Variants in NRIP1 observed in about 807,000 individuals in gnomAD.
NRIP1 encodes the protein nuclear receptor interacting protein 1.
A neutral mutation model predicts 75.0 loss-of-function variants in NRIP1; 28 were observed. That is an observed-to-expected ratio of 0.37 (90% CI 0.28 to 0.51). The LOEUF is 0.51. Among genes scored for constraint, NRIP1 ranks in the 20% least tolerant of loss-of-function variants. NRIP1 has a pLI of 0.92. For synonymous variants in NRIP1, 526 were observed against 487.6 expected, an observed-to-expected ratio of 1.08 and a Z score of -1.04; for missense variants, 1,435 against 1,343.7, an observed-to-expected ratio of 1.07 and a Z score of -1.06.
chr21:15,020,324 A>T (rs1568985322), intron 2 of NRIP1, among the ~76,000 whole-genome samples: 1 of 152,222 alleles, frequency 6.6e-6, no homozygotes, highest in African/African-American at 2.4e-5. Context: ...TTTTCGACAA[A>T]TATGCCACTG....
chr21:15,007,975 G>C (rs1284504205), intron 3 of NRIP1, among the ~76,000 whole-genome samples: 1 of 152,122 alleles, frequency 6.6e-6, no homozygotes, highest in Non-Finnish European at 1.5e-5. Context: ...TCAAGTGTCG[G>C]AACTAGCAGC....
chr21:15,059,651 A>G (rs2089381488), intron 1 of NRIP1, among the ~76,000 whole-genome samples: 1 of 152,114 alleles, frequency 6.6e-6, no homozygotes, highest in Admixed American at 6.5e-5. Context: ...CAAAAAAAGA[A>G]TCACAGGACT....
At chr21:14,998,676 G>A (rs1181020515) in intron 3 of NRIP1, among the ~76,000 whole-genome samples, 2 of 152,192 alleles carry the variant, frequency 1.3e-5, no homozygotes, top group African/African-American at 4.8e-5. Context: ...TGAAGATGAT[G>A]AGGATAAAAC....
intron 1 of NRIP1, among the ~76,000 whole-genome samples, chr21:15,061,343 C>A (rs1299046046): frequency 6.6e-6 from 1 of 152,092 alleles, no homozygotes; most frequent in Non-Finnish European, 1.5e-5. Flanking sequence ...CCTGAAGGGG[C>A]AGAAGGGAAA....
At chr21:15,024,799 T>A (rs915166884) in intron 2 of NRIP1, among the ~76,000 whole-genome samples, 6 of 152,110 alleles carry the variant, frequency 3.9e-5, no homozygotes, top group Admixed American at 1.3e-4. Flanking sequence ...TTTAAAATTT[T>A]AAAAAATTTA....
intron 2 of NRIP1, among the ~76,000 whole-genome samples, chr21:15,030,149 T>C (rs946390299): frequency 6.6e-6 from 1 of 152,202 alleles, no homozygotes; most frequent in Admixed American, 6.5e-5. Context: ...CTTTCAACCA[T>C]GAGGAGTGAC....
chr21:15,003,361 G>A (rs1446906511), intron 3 of NRIP1, among the ~76,000 whole-genome samples: 1 of 152,022 alleles, frequency 6.6e-6, no homozygotes. Context: ...AAATACATGT[G>A]TCTCATTTTG....
chr21:14,987,658 T>C (rs553046677), intron 3 of NRIP1, among the ~76,000 whole-genome samples: 1 of 152,194 alleles, frequency 6.6e-6, no homozygotes, highest in Non-Finnish European at 1.5e-5. Context: ...CTGGGAGCTC[T>C]TGTCACTGAC....
rs1376224622 is a variant in NRIP1 at position 14,967,289 on chromosome 21, C to T, written c.904G>A (p.Ala302Thr). 3 of 1,613,946 alleles carry T rather than the reference C, an allele frequency of 1.9e-6. No homozygotes were observed. The highest frequency in any genetic ancestry group is 2.5e-6 in the Non-Finnish European group (3 of 1,179,954). Residue 302 changes from alanine to threonine, a missense_variant, in exon 4 of 4, where the codon GCC becomes ACC. By Grantham distance (58) the Ala-to-Thr change is moderately conservative. Coordinates refer to ENST00000318948, the MANE Select transcript of NRIP1 (RefSeq NM_003489.4). Reference sequence around the variant, plus strand: ...TTCTGGCCATTTTCTTGCAATCTGGCCATAGCAGCAAGTCTTTCACTTGCT... The same window carrying T: ...TTCTGGCCATTTTCTTGCAATCTGGTCATAGCAGCAAGTCTTTCACTTGCT... The part of the protein sequence containing the change: ...QAASERLAAM[A>T]RLQENGQKDV...
chr21:15,031,591 T>A (rs376956834), intron 2 of NRIP1, among the ~76,000 whole-genome samples: 3 of 128,660 alleles, frequency 2.3e-5, no homozygotes, highest in South Asian at 2.6e-4. Flanking sequence ...TGGAAGGCGC[T>A]CGGAGGATCA....
At chr21:15,059,497 C>G (rs1408877933) in intron 1 of NRIP1, among the ~76,000 whole-genome samples, 1 of 150,752 alleles carries the variant, frequency 6.6e-6, no homozygotes, top group African/African-American at 2.4e-5. Flanking sequence ...TTTTTGCTAC[C>G]CCAGCCCTAT....
chr21:15,024,840 A>G (rs1276926696), intron 2 of NRIP1, among the ~76,000 whole-genome samples: 1 of 152,214 alleles, frequency 6.6e-6, no homozygotes, highest in African/African-American at 2.4e-5. Context: ...TAAAGTTTTA[A>G]GTATATAATG....
intron 2 of NRIP1, among the ~76,000 whole-genome samples, chr21:15,018,991 G>T (rs2147196804): frequency 6.6e-6 from 1 of 152,026 alleles, no homozygotes; most frequent in South Asian, 2.1e-4. Context: ...TCTTCCCTAT[G>T]TGTAGTTTGT....
intron 3 of NRIP1, among the ~76,000 whole-genome samples, chr21:14,977,180 G>A (rs1568951227): frequency 6.6e-6 from 1 of 151,978 alleles, no homozygotes; most frequent in Non-Finnish European, 1.5e-5. Flanking sequence ...CAAATGGTAA[G>A]AAAAACATTA....
At chr21:14,991,517 T>G (rs1380068094) in intron 3 of NRIP1, among the ~76,000 whole-genome samples, 1 of 152,050 alleles carries the variant, frequency 6.6e-6, no homozygotes, top group African/African-American at 2.4e-5. Context: ...TTTCTTCCTC[T>G]GCTCTATCTT....
At chr21:15,006,414 G>GA (rs2087974070) in intron 3 of NRIP1, among the ~76,000 whole-genome samples, 1 of 152,100 alleles carries the variant, frequency 6.6e-6, no homozygotes, top group Admixed American at 6.5e-5. Flanking sequence ...ACAACAAAAG[G>GA]AAAAAGGTGA....
chr21:14,961,803 T>A lies in NRIP1; in HGVS notation c.*2913A>T, dbSNP rs1413359786. The A allele has an allele frequency of 6.6e-6, 1 of 152,286 alleles. No homozygotes were observed. The highest frequency in any genetic ancestry group is 1.5e-5 in the Non-Finnish European group (1 of 67,862). The allele number at this position is 152,286 out of a possible 1,614,324, so 9.4% of individuals were successfully genotyped here. ...CTATACATTTGTCCAGACTTGCAACTGTATACATACATGCACAACTTTTAA... is the reference window on the plus strand; with the variant it reads ...CTATACATTTGTCCAGACTTGCAACAGTATACATACATGCACAACTTTTAA... On this transcript the variant is annotated 3_prime_UTR_variant, in exon 4 of 4. Coordinates refer to ENST00000318948, the MANE Select transcript of NRIP1 (RefSeq NM_003489.4).
chr21:14,991,300 T>C (rs1248627562), intron 3 of NRIP1: 1 of 149,220 alleles, frequency 6.7e-6, no homozygotes, highest in Admixed American at 6.8e-5. Flanking sequence ...CTTTTGGAAC[T>C]CTGGGGCTAC....
intron 1 of NRIP1, among the ~76,000 whole-genome samples, chr21:15,058,498 T>TA (rs2089353291): frequency 6.6e-6 from 1 of 152,124 alleles, no homozygotes; most frequent in African/African-American, 2.4e-5. Context: ...ATTCAGGAAT[T>TA]TAAAAAAAAT....
Sources: allele counts gnomAD v4.1 joint callset (sites outside exome capture counted in the v4.1 genomes callset), GRCh38; gene constraint gnomAD v4.1.1; transcripts MANE v1.5; gene names NCBI Gene and HGNC (gene_info 2026-07-23, HGNC 2026-07-21).